CAST: variants seen among roughly 807,000 people sequenced by gnomAD.
CAST encodes MIR583 host.
In CAST, 76 loss-of-function variants were observed where a neutral mutation model predicts 119.6. That is an observed-to-expected ratio of 0.64 (90% CI 0.53 to 0.77). CAST has a LOEUF of 0.77. CAST is among the 30% of genes least tolerant of loss of function. The pLI, the probability that CAST is intolerant of heterozygous loss-of-function variation, is 0.00. For missense variants in CAST, 953 were observed against 946.5 expected, an observed-to-expected ratio of 1.01 and a Z score of -0.09; for synonymous variants, 319 against 331.6, an observed-to-expected ratio of 0.96 and a Z score of 0.41.
intron 1 of CAST, among the ~76,000 whole-genome samples, chr5:96,650,075 G>A (rs1047557975): frequency 1.3e-5 from 2 of 152,180 alleles, no homozygotes; most frequent in Non-Finnish European, 2.9e-5. Flanking sequence ...TGAGGAAGTG[G>A]CAGAACCAGC....
At chr5:96,628,872 G>T (rs1453754730) in intron 1 of CAST, among the ~76,000 whole-genome samples, 2 of 152,086 alleles carry the variant, frequency 1.3e-5, no homozygotes, top group African/African-American at 2.4e-5. Flanking sequence ...GGGGCGGGGG[G>T]TCATAAAGGC....
chr5:96,342,281 C>T, the CAST span, among the ~76,000 whole-genome samples: 3 of 152,204 alleles, frequency 2.0e-5, no homozygotes, highest in Non-Finnish European at 2.9e-5. Flanking sequence ...AAAAACTTAA[C>T]TCATCTGCTT....
At chr5:96,739,938 A>G (rs1388917048) in intron 11 of CAST, 100 bp from the exon 12 acceptor site, 2 of 656,528 alleles carry the variant, frequency 3.0e-6, no homozygotes, top group Middle Eastern at 3.5e-4. Flanking sequence ...CAGTACTTCC[A>G]TAAATTAATA....
the CAST span, among the ~76,000 whole-genome samples, chr5:96,130,020 A>ATT: frequency 1.2e-5 from 1 of 82,142 alleles, no homozygotes. Flanking sequence ...AAACACACAC[A>ATT]CTTTTTTTTT....
the CAST span, chr5:96,416,164 A>C: frequency 7.3e-7 from 1 of 1,366,892 alleles, no homozygotes; most frequent in Non-Finnish European, 1.0e-6. Context: ...ACAGAAGAAC[A>C]AACATTTGTT....
At chr5:96,412,752 G>GTTTTTTTTTTTTTTTTTTTT in the CAST span, among the ~76,000 whole-genome samples, 25 of 71,804 alleles carry the variant, frequency 3.5e-4, 3 homozygotes, top group African/African-American at 2.2e-3. Flanking sequence ...CAGCTGTGAT[G>GTTTTTTTTTTTTTTTTTTTT]TTTTTTTTTT....
chr5:96,380,732 T>C, the CAST span, among the ~76,000 whole-genome samples: 1 of 152,226 alleles, frequency 6.6e-6, no homozygotes, highest in Non-Finnish European at 1.5e-5. Context: ...GGTTTTATTA[T>C]GAAATTAGGA....
At chr5:96,690,158 G>T (rs1435636443) in intron 2 of CAST, among the ~76,000 whole-genome samples, 2 of 152,184 alleles carry the variant, frequency 1.3e-5, no homozygotes, top group Admixed American at 1.3e-4. Context: ...CAACTCACTG[G>T]AGTGTGCTCA....
At chr5:96,445,141 G>A in the CAST span, among the ~76,000 whole-genome samples, 2 of 152,204 alleles carry the variant, frequency 1.3e-5, no homozygotes, top group East Asian at 1.9e-4. Flanking sequence ...ACTTAGTTCC[G>A]TGTTTCAGTG....
At chr5:96,747,776 G>C (rs989335259) in intron 18 of CAST, among the ~76,000 whole-genome samples, 3 of 152,018 alleles carry the variant, frequency 2.0e-5, no homozygotes, top group African/African-American at 7.3e-5. Context: ...TTTATTAATC[G>C]CTTGCTATGC....
the CAST span, among the ~76,000 whole-genome samples, chr5:96,246,472 A>C: frequency 6.6e-6 from 1 of 152,098 alleles, no homozygotes; most frequent in South Asian, 2.1e-4. Flanking sequence ...GCGTGAGCCA[A>C]AGCGGAAACC....
chr5:96,456,451 T>C, the CAST span, among the ~76,000 whole-genome samples: 1 of 152,128 alleles, frequency 6.6e-6, no homozygotes, highest in African/African-American at 2.4e-5. Flanking sequence ...TAACTACTCC[T>C]CAGCGCCCAC....
At chr5:96,362,282 C>T in the CAST span, among the ~76,000 whole-genome samples, 29 of 152,162 alleles carry the variant, frequency 1.9e-4, no homozygotes, top group Admixed American at 5.9e-4. Context: ...TGAACAGTGC[C>T]GCAATAAACA....
At chr5:96,760,869 A>G (rs1488236851) in intron 24 of CAST, 2 of 151,918 alleles carry the variant, frequency 1.3e-5, no homozygotes, top group African/African-American at 4.8e-5. Context: ...ACTCAATAAA[A>G]TTATTCAATG....
At chr5:96,047,677 G>C in the CAST span, among the ~76,000 whole-genome samples, 1 of 152,106 alleles carries the variant, frequency 6.6e-6, no homozygotes, top group Non-Finnish European at 1.5e-5. Context: ...GTCAAACACT[G>C]TGCTAAGTAC....
At chr5:96,237,705 T>C in the CAST span, among the ~76,000 whole-genome samples, 9 of 152,252 alleles carry the variant, frequency 5.9e-5, no homozygotes, top group South Asian at 2.1e-4. Flanking sequence ...ATTGAGACTT[T>C]AAGTATATTT....
At chr5:96,224,012 G>T in the CAST span, among the ~76,000 whole-genome samples, 1 of 152,152 alleles carries the variant, frequency 6.6e-6, no homozygotes, top group Non-Finnish European at 1.5e-5. Context: ...AGAATAGATT[G>T]TGATGGTTAT....
chr5:95,974,238 C>T, the CAST span, among the ~76,000 whole-genome samples: 1 of 152,194 alleles, frequency 6.6e-6, no homozygotes, highest in African/African-American at 2.4e-5. Flanking sequence ...TGTTATGATT[C>T]ATCCCACTTA....
chr5:96,701,805 CAA>C (rs1259689905), intron 3 of CAST, among the ~76,000 whole-genome samples: 11 of 123,614 alleles, frequency 8.9e-5, no homozygotes, highest in African/African-American at 1.5e-4. Flanking sequence ...AATCCCACCT[CAA>C]AAAAAAAAAA....
Sources: gnomAD v4.1 joint callset for allele counts (sites outside exome capture counted in the v4.1 genomes callset) on GRCh38, gnomAD v4.1.1 for gene constraint, MANE v1.5 for transcripts, NCBI Gene and HGNC (gene_info 2026-07-23, HGNC 2026-07-21) for gene names.